PPP1R9A: variants seen among roughly 807,000 people sequenced by gnomAD.
PPP1R9A encodes protein phosphatase 1 regulatory subunit 9A, also known as neurabin-1.
A neutral mutation model predicts 141.9 loss-of-function variants in PPP1R9A; 59 were observed. The ratio of observed to expected loss-of-function variants is 0.42; its 90% CI spans 0.34 to 0.52. The LOEUF is 0.52. Among genes scored for constraint, PPP1R9A ranks in the 20% least tolerant of loss-of-function variants. The pLI, the probability that PPP1R9A is intolerant of heterozygous loss-of-function variation, is 0.10. For synonymous variants in PPP1R9A, 500 were observed against 569.7 expected, an observed-to-expected ratio of 0.88 and a Z score of 1.74; for missense variants, 1,444 against 1,611.9, an observed-to-expected ratio of 0.90 and a Z score of 1.78.
intron 2 of PPP1R9A, among the ~76,000 whole-genome samples, chr7:94,968,247 A>C (rs1798439775): frequency 6.6e-6 from 1 of 150,942 alleles, no homozygotes; most frequent in Admixed American, 6.6e-5. Context: ...ATCTCGGCTC[A>C]CTGCAAGCTC....
chr7:95,280,475 T>C (rs1803987450), intron 16 of PPP1R9A, among the ~76,000 whole-genome samples: 1 of 152,184 alleles, frequency 6.6e-6, no homozygotes, highest in Non-Finnish European at 1.5e-5. Context: ...AGCCCCAGGA[T>C]ACACTGGATT....
intron 2 of PPP1R9A, among the ~76,000 whole-genome samples, chr7:95,109,403 G>T (rs977594199): frequency 2.0e-5 from 3 of 152,130 alleles, no homozygotes; most frequent in African/African-American, 4.8e-5. Flanking sequence ...TCCTTCTCCA[G>T]TGCCTAGCAC....
chr7:95,038,519 A>G (rs1326037448), intron 2 of PPP1R9A, among the ~76,000 whole-genome samples: 1 of 152,138 alleles, frequency 6.6e-6, no homozygotes, highest in African/African-American at 2.4e-5. Flanking sequence ...TCATCCTAAA[A>G]TGTACCCAGA....
At chr7:95,286,431 C>G in intron 18 of PPP1R9A, 106 bp downstream of exon 18, 4 of 1,493,100 alleles carry the variant, frequency 2.7e-6, no homozygotes, top group Non-Finnish European at 3.6e-6. Flanking sequence ...TAGAAATCAT[C>G]AGGACTGTGG....
intron 2 of PPP1R9A, among the ~76,000 whole-genome samples, chr7:94,971,686 C>T (rs1798876742): frequency 6.6e-6 from 1 of 152,074 alleles, no homozygotes. Flanking sequence ...GATTGCAGGT[C>T]AGCGGAGAAG....
intron 2 of PPP1R9A, among the ~76,000 whole-genome samples, chr7:95,078,178 T>C (rs1815172952): frequency 7.3e-6 from 1 of 137,420 alleles, no homozygotes; most frequent in Non-Finnish European, 1.5e-5. Flanking sequence ...CCCCTTCCTG[T>C]GTCCATGTGT....
At chr7:95,048,315 A>C (rs1810313091) in intron 2 of PPP1R9A, among the ~76,000 whole-genome samples, 1 of 152,174 alleles carries the variant, frequency 6.6e-6, no homozygotes, top group African/African-American at 2.4e-5. Flanking sequence ...TTTTAAGATA[A>C]ACAGGATCAG....
At chr7:94,981,141 G>C (rs1020440061) in intron 2 of PPP1R9A, among the ~76,000 whole-genome samples, 5 of 152,192 alleles carry the variant, frequency 3.3e-5, no homozygotes, top group African/African-American at 1.2e-4. Context: ...TGAGCTAGAA[G>C]CTTAGGTTTT....
At position 95,268,655 on chromosome 7, in the gene PPP1R9A, G is replaced by A. The variant is rs745804148; in HGVS notation, c.2771G>A (p.Arg924Lys). ...AGACGCCAGAGACCCTCTAGGACAA[G>A]ACTGTATGATAGTGTTAGTTCCACA... ...KNRRQRPSRT[R>K]LYDSVSSTDG... The change falls in exon 13 of 20, where the codon AGA becomes AAA. Residue 924 changes from arginine (R) to lysine (K), a missense_variant. Around this residue, in one of 5 missense-constraint regions of PPP1R9A, gnomAD observed 3 missense variants for 16.5 expected, o/e 0.18. Transcript: ENST00000433360. The A allele has an allele frequency of 6.2e-7, 1 of 1,613,306 alleles. No individual in the cohort carries two copies.
chr7:95,069,674 T>C (rs142190472), intron 2 of PPP1R9A, among the ~76,000 whole-genome samples: 308 of 152,248 alleles, frequency 2.0e-3, no homozygotes, highest in African/African-American at 7.1e-3. Flanking sequence ...CAGTCAGGGT[T>C]CTCCACCTAT....
At chr7:95,157,854 TC>T (rs1829880010) in intron 4 of PPP1R9A, among the ~76,000 whole-genome samples, 1 of 152,214 alleles carries the variant, frequency 6.6e-6, no homozygotes, top group Non-Finnish European at 1.5e-5. Context: ...ACTCAAATTT[TC>T]TTTGAAGGGA....
intron 2 of PPP1R9A, chr7:95,098,335 G>A (rs1371592787): frequency 6.6e-6 from 1 of 151,244 alleles, no homozygotes; most frequent in Admixed American, 6.6e-5. Context: ...CAATACAGTC[G>A]GCATTAACAT....
intron 8 of PPP1R9A, among the ~76,000 whole-genome samples, chr7:95,234,660 C>T (rs574288397): frequency 6.6e-6 from 1 of 152,230 alleles, no homozygotes; most frequent in African/African-American, 2.4e-5. Context: ...TCATTCTTCA[C>T]AGTACCATTC....
intron 12 of PPP1R9A, among the ~76,000 whole-genome samples, chr7:95,266,260 T>G (rs963269671): frequency 1.3e-5 from 2 of 152,128 alleles, no homozygotes; most frequent in Non-Finnish European, 2.9e-5. Flanking sequence ...AAGCTGTTAT[T>G]AAACCAACCA....
intron 2 of PPP1R9A, among the ~76,000 whole-genome samples, chr7:94,954,814 AAT>A (rs1796894671): frequency 6.8e-6 from 1 of 146,540 alleles, no homozygotes; most frequent in Non-Finnish European, 1.5e-5. Flanking sequence ...GTTATTTTAG[AAT>A]ATATGTTTGT....
chr7:95,084,521 T>G (rs1403010445), intron 2 of PPP1R9A, among the ~76,000 whole-genome samples: 1 of 152,024 alleles, frequency 6.6e-6, no homozygotes, highest in Non-Finnish European at 1.5e-5. Flanking sequence ...TAAAGAAATA[T>G]AATATTACAG....
intron 7 of PPP1R9A, among the ~76,000 whole-genome samples, chr7:95,205,979 C>T (rs912039604): frequency 3.9e-5 from 6 of 151,976 alleles, no homozygotes; most frequent in African/African-American, 1.4e-4. Context: ...AAAAAACAAA[C>T]GTGCATATTT....
intron 2 of PPP1R9A, among the ~76,000 whole-genome samples, chr7:95,040,768 T>G (rs1475040493): frequency 6.6e-6 from 1 of 152,180 alleles, no homozygotes; most frequent in Non-Finnish European, 1.5e-5. Context: ...TCTCGAATTT[T>G]AGTTACTGGC....
At chr7:95,092,205 C>A (rs1439877542) in intron 2 of PPP1R9A, among the ~76,000 whole-genome samples, 2 of 152,118 alleles carry the variant, frequency 1.3e-5, no homozygotes, top group Non-Finnish European at 2.9e-5. Context: ...CTGTTAAAAT[C>A]TTTTCAATTC....
Sources: allele counts gnomAD v4.1 joint callset (sites outside exome capture counted in the v4.1 genomes callset), GRCh38; gene constraint gnomAD v4.1.1; regional missense constraint gnomAD v4.1.1; transcripts MANE v1.5; gene names NCBI Gene and HGNC (gene_info 2026-07-23, HGNC 2026-07-21).